The following DNAH7 variants were observed in gnomAD, a reference collection of about 807,000 sequenced individuals.
DNAH7 encodes axonemal beta dynein heavy chain 7.
In DNAH7, 397 loss-of-function variants were observed where a neutral mutation model predicts 444.6. That is an observed-to-expected ratio of 0.89 (90% CI 0.82 to 0.97). The LOEUF is 0.97. DNAH7 is among the 50% of genes least tolerant of loss of function. DNAH7 has a pLI of 0.00. For synonymous variants in DNAH7, 1,636 were observed against 1,624.4 expected, an observed-to-expected ratio of 1.01 and a Z score of -0.17; for missense variants, 4,902 against 4,800.8, an observed-to-expected ratio of 1.02 and a Z score of -0.62.
rs1232333489 is a variant in DNAH7, at chr2:195,923,623, C to T, written c.3797G>A (p.Trp1266Ter). ...KNISDDSDFE[W>*]LSQLRYYWQE... ...CCAGTAGTACCTAAGCTGACTTAAC[C>T]ATTCAAAGTCAGAGTCATCGCTAAT... Residue 1266 changes from tryptophan (W) to a stop codon, truncating the protein, a stop_gained, in exon 23 of 65, where the codon TGG becomes TAG. Coordinates refer to ENST00000312428, the MANE Select transcript of DNAH7 (RefSeq NM_018897.3). LOFTEE classifies it high-confidence loss of function. 6.2e-7 allele frequency: 1 copy of T among 1,614,066 alleles called. No homozygotes were observed. The highest frequency in any genetic ancestry group is 8.5e-7 in the Non-Finnish European group (1 of 1,180,004).
At chr2:195,946,094 T>A (rs909468829) in intron 19 of DNAH7, among the ~76,000 whole-genome samples, 1 of 151,990 alleles carries the variant, frequency 6.6e-6, no homozygotes, top group Non-Finnish European at 1.5e-5. Flanking sequence ...GGAAAAAAAC[T>A]CTGGGAGAAG....
At chr2:195,796,758 G>T in intron 55 of DNAH7, 21 bp from the exon 56 acceptor site, 16 of 1,578,854 alleles carry the variant, frequency 1.0e-5, no homozygotes, top group Non-Finnish European at 1.4e-5. Flanking sequence ...GAATAGTAGA[G>T]ATGTTATTTA....
At position 195,808,729 on chromosome 2, in the gene DNAH7, C is replaced by A. The variant is rs769956378; in HGVS notation, c.10036G>T (p.Glu3346Ter). 2 of 1,613,896 alleles carry A rather than the reference C, an allele frequency of 1.2e-6. No homozygotes were observed. The highest frequency in any genetic ancestry group is 1.7e-6 in the Non-Finnish European group (2 of 1,179,964). ...CATCCATCCTTTAAGCGCATAAACT[C>A]TCTACGAATGGTTTTGAAGGCAGGC... is the stretch of plus-strand genomic sequence containing the variant. ...DLPAFKTIRR[E>*]FMRLKDGWKK... The change falls in exon 53 of 65, where the codon GAG (glutamate) becomes TAG (stop). Residue 3346 changes from glutamate to a stop codon, truncating the protein, a stop_gained. Transcript: ENST00000312428. LOFTEE classifies it high-confidence loss of function.
At chr2:195,993,491 G>T (rs1008803573) in intron 12 of DNAH7, among the ~76,000 whole-genome samples, 2 of 152,168 alleles carry the variant, frequency 1.3e-5, no homozygotes, top group African/African-American at 4.8e-5. Context: ...CAACTGGAAA[G>T]TCACAAACAT....
intron 10 of DNAH7, among the ~76,000 whole-genome samples, chr2:196,008,018 C>T (rs1473036436): frequency 2.0e-5 from 3 of 151,918 alleles, no homozygotes; most frequent in Non-Finnish European, 4.4e-5. Flanking sequence ...TGATAAGGGT[C>T]TAGTATCCAG....
intron 59 of DNAH7, among the ~76,000 whole-genome samples, chr2:195,776,335 C>G (rs1695058219): frequency 1.3e-5 from 2 of 151,828 alleles, no homozygotes; most frequent in Non-Finnish European, 2.9e-5. Context: ...CCCAGCTACT[C>G]AGGAGGCTGA....
intron 5 of DNAH7, among the ~76,000 whole-genome samples, chr2:196,041,006 T>G (rs1013164648): frequency 2.6e-5 from 4 of 151,608 alleles, no homozygotes; most frequent in Non-Finnish European, 5.9e-5. Flanking sequence ...AATCAAAAAG[T>G]GAAAGATCTC....
Position 195,824,281 on chromosome 2 carries a change from G to A in DNAH7, c.9265C>T (p.His3089Tyr). ...TTTACTGATGTTTCAGGAAGATAAT[G>A]AGGATTTCTTAACTTGGTAGTAATA... ...FYITTKLRNP[H>Y]YLPETSVKVT... Residue 3089 changes from histidine (H) to tyrosine (Y), a missense_variant, in exon 49 of 65, where the codon CAT becomes TAT. Coordinates refer to ENST00000312428, the MANE Select transcript of DNAH7 (RefSeq NM_018897.3). 6.2e-7 allele frequency: 1 copy of A among 1,613,108 alleles called. No individual in the cohort carries two copies. The highest frequency in any genetic ancestry group is 1.7e-5 in the Admixed American group (1 of 59,874).
chr2:195,751,576 T>A (rs1325055615), intron 63 of DNAH7, among the ~76,000 whole-genome samples: 1 of 152,184 alleles, frequency 6.6e-6, no homozygotes, highest in East Asian at 1.9e-4. Context: ...GCTTTGAAGT[T>A]AATAAGCAGA....
At position 195,897,767 on chromosome 2, in the gene DNAH7, TAAAAAAA is replaced by T; in HGVS notation, c.4549-9_4549-3del. On this transcript the variant is annotated splice_region_variant and splice_polypyrimidine_tract_variant and intron_variant, in intron 28 of 64. Coordinates refer to ENST00000312428, the MANE Select transcript of DNAH7 (RefSeq NM_018897.3). ...TTCATTTTCATTTGGATATTTCAGC[TAAAAAAA>T]AAAAAAAAAACTCATGAGGATATCT... The T allele has an allele frequency of 8.7e-7, 1 of 1,145,486 alleles. No homozygotes were observed. The highest frequency in any genetic ancestry group is 1.2e-6 in the Non-Finnish European group (1 of 831,640). The allele number at this position is 1,145,486 out of a possible 1,614,324, so 71.0% of individuals were successfully genotyped here. A position where few individuals can be genotyped will look rare whatever the true frequency, so the allele number is the denominator to read the frequency against.
intron 19 of DNAH7, among the ~76,000 whole-genome samples, chr2:195,945,306 A>C (rs1280878810): frequency 6.6e-6 from 1 of 152,182 alleles, no homozygotes; most frequent in African/African-American, 2.4e-5. Flanking sequence ...TCAGGACTAA[A>C]GGATAACACC....
At chr2:195,993,238 A>C (rs1473284838) in intron 12 of DNAH7, among the ~76,000 whole-genome samples, 1 of 152,186 alleles carries the variant, frequency 6.6e-6, no homozygotes, top group East Asian at 1.9e-4. Flanking sequence ...TGGGAGTGGA[A>C]GCAAGATGGG....
chr2:196,015,585 A>C (rs1694970650), intron 9 of DNAH7, among the ~76,000 whole-genome samples: 1 of 152,294 alleles, frequency 6.6e-6, no homozygotes, highest in African/African-American at 2.4e-5. Context: ...TACAAAGGCT[A>C]TCTATGACAT....
intron 21 of DNAH7, among the ~76,000 whole-genome samples, chr2:195,927,826 C>T (rs1482430144): frequency 6.6e-6 from 1 of 152,040 alleles, no homozygotes; most frequent in Non-Finnish European, 1.5e-5. Flanking sequence ...CACAGTAACA[C>T]ACATATCTCC....
intron 18 of DNAH7, among the ~76,000 whole-genome samples, chr2:195,959,137 A>C (rs1207243138): frequency 1.3e-5 from 2 of 152,158 alleles, no homozygotes; most frequent in Non-Finnish European, 2.9e-5. Context: ...GTATATTAAC[A>C]CATTACTCAT....
intron 63 of DNAH7, among the ~76,000 whole-genome samples, chr2:195,750,780 A>T (rs924815472): frequency 2.6e-5 from 4 of 152,236 alleles, no homozygotes; most frequent in Non-Finnish European, 4.4e-5. Flanking sequence ...TGGGCAGCCC[A>T]GCAGTGGTAC....
At chr2:196,024,743 C>G (rs1210403685) in intron 7 of DNAH7, among the ~76,000 whole-genome samples, 2 of 152,054 alleles carry the variant, frequency 1.3e-5, no homozygotes, top group Non-Finnish European at 2.9e-5. Context: ...TGTCCCTCCT[C>G]TTTCATTTGA....
At position 195,936,793 on chromosome 2, in the gene DNAH7, CTAAAAA is replaced by C. The variant is rs755823656; in HGVS notation, c.3079-7_3079-2del. 1.3e-6 allele frequency: 2 copies of C among 1,483,758 alleles called. No homozygotes were observed. Among genetic ancestry groups the C allele is most frequent in the African/African-American group, 1.4e-5 (1 of 69,996 alleles). The allele number at this position is 1,483,758 out of a possible 1,614,324, so 91.9% of individuals were successfully genotyped here. ...TTACAACTGTCAGAACATGTTTATC[CTAAAAA>C]TAAAAATAAAAAACACTCAATTCAA... On this transcript the variant is annotated splice_acceptor_variant and splice_polypyrimidine_tract_variant and intron_variant, in intron 19 of 64. Coordinates refer to ENST00000312428, the MANE Select transcript of DNAH7 (RefSeq NM_018897.3). LOFTEE classifies it high-confidence loss of function.
chr2:195,953,385 G>A (rs1363273693), intron 19 of DNAH7, among the ~76,000 whole-genome samples: 1 of 152,158 alleles, frequency 6.6e-6, no homozygotes, highest in East Asian at 1.9e-4. Flanking sequence ...TGGCTGGGAG[G>A]TATTTCCCAG....
Sources: gnomAD v4.1 joint callset for allele counts (sites outside exome capture counted in the v4.1 genomes callset) on GRCh38, gnomAD v4.1.1 for gene constraint, MANE v1.5 for transcripts, NCBI Gene and HGNC (gene_info 2026-07-23, HGNC 2026-07-21) for gene names.